The following RBFOX1 variants were observed in gnomAD, a reference collection of about 807,000 sequenced individuals.
RBFOX1 encodes the protein RNA binding protein fox-1 homolog 1.
RBFOX1 carries 8 observed loss-of-function variants against 57.7 expected under a neutral mutation model. The ratio of observed to expected loss-of-function variants is 0.14; its 90% CI spans 0.08 to 0.25. The LOEUF is 0.25. Among genes scored for constraint, RBFOX1 ranks in the 10% least tolerant of loss-of-function variants. The pLI is 1.00. For missense variants in RBFOX1, 611 were observed against 548.5 expected, an observed-to-expected ratio of 1.11 and a Z score of -1.14; for synonymous variants, 326 against 222.4, an observed-to-expected ratio of 1.47 and a Z score of -4.15.
At chr16:7,511,151 G>A (rs909392676) in intron 4 of RBFOX1, among the ~76,000 whole-genome samples, 2 of 152,172 alleles carry the variant, frequency 1.3e-5, no homozygotes, top group Non-Finnish European at 2.9e-5. Flanking sequence ...GTGAAAGTCA[G>A]GTAGTTACAT....
intron 3 of RBFOX1, among the ~76,000 whole-genome samples, chr16:6,869,699 C>G (rs970564791): frequency 5.3e-5 from 8 of 152,180 alleles, no homozygotes; most frequent in South Asian, 2.1e-4. Context: ...CACATTCATG[C>G]AGTTGGCAAA....
chr16:6,676,138 A>ATG (rs796794779), intron 3 of RBFOX1, among the ~76,000 whole-genome samples: 36 of 28,054 alleles, frequency 1.3e-3, no homozygotes, highest in Non-Finnish European at 2.0e-3. Flanking sequence ...ACACACACAC[A>ATG]CGCGCACACA....
intron 4 of RBFOX1, among the ~76,000 whole-genome samples, chr16:7,117,141 G>C (rs1230890911): frequency 6.6e-6 from 1 of 152,118 alleles, no homozygotes; most frequent in Admixed American, 6.6e-5. Context: ...AGAAAAGATA[G>C]TAAAGTGAGG....
chr16:5,756,470 C>G (rs2053401292), intron 3 of RBFOX1, among the ~76,000 whole-genome samples: 1 of 152,116 alleles, frequency 6.6e-6, no homozygotes. Context: ...TCACATCTCC[C>G]AAATGCCCAG....
chr16:7,381,126 G>T (rs866525285), intron 4 of RBFOX1, among the ~76,000 whole-genome samples: 8 of 152,176 alleles, frequency 5.3e-5, no homozygotes, highest in African/African-American at 1.9e-4. Context: ...TCACAGCAGA[G>T]TAAACAGACA....
chr16:6,627,685 A>C (rs144416105), intron 2 of RBFOX1, among the ~76,000 whole-genome samples: 1 of 152,176 alleles, frequency 6.6e-6, no homozygotes. Flanking sequence ...TGAGCAGCAC[A>C]CTGTGAAAAC....
intron 15 of RBFOX1, chr16:7,709,491 T>A: frequency 2.7e-6 from 4 of 1,477,130 alleles, no homozygotes; most frequent in Non-Finnish European, 3.6e-6. Context: ...CTCATTCACA[T>A]AGCCCCAAGG....
chr16:5,830,839 T>C (rs73516201), intron 3 of RBFOX1, among the ~76,000 whole-genome samples: 7,452 of 151,636 alleles, frequency 0.049, 405 homozygotes, highest in African/African-American at 0.13. Context: ...GTTCAGGCTG[T>C]TTCCTGGCTG....
intron 3 of RBFOX1, among the ~76,000 whole-genome samples, chr16:6,717,051 G>C (rs561818132): frequency 1.3e-5 from 2 of 152,244 alleles, no homozygotes; most frequent in South Asian, 2.1e-4. Context: ...CAGTGAGAAG[G>C]CTGCCATGTG....
chr16:5,388,816 A>G (rs970682436), intron 1 of RBFOX1, among the ~76,000 whole-genome samples: 1 of 151,788 alleles, frequency 6.6e-6, no homozygotes, highest in Non-Finnish European at 1.5e-5. Flanking sequence ...ACCTCAGATG[A>G]TCCACCCACC....
intron 4 of RBFOX1, among the ~76,000 whole-genome samples, chr16:5,902,221 A>G (rs879356727): frequency 2.6e-5 from 4 of 152,080 alleles, no homozygotes; most frequent in Non-Finnish European, 5.9e-5. Context: ...GTACGAATTA[A>G]TGTTCCCATT....
intron 3 of RBFOX1, among the ~76,000 whole-genome samples, chr16:6,821,922 A>G (rs2091375460): frequency 6.6e-6 from 1 of 152,128 alleles, no homozygotes; most frequent in African/African-American, 2.4e-5. Flanking sequence ...CCTTTGAGGA[A>G]ACTCTGTTTT....
At chr16:5,779,613 A>G (rs767921070) in intron 3 of RBFOX1, among the ~76,000 whole-genome samples, 1 of 152,168 alleles carries the variant, frequency 6.6e-6, no homozygotes, top group Non-Finnish European at 1.5e-5. Context: ...TGGTGAGCTA[A>G]GTAGCCTTCC....
chr16:6,570,990 T>A (rs1359286211), intron 2 of RBFOX1, among the ~76,000 whole-genome samples: 1 of 152,110 alleles, frequency 6.6e-6, no homozygotes, highest in Non-Finnish European at 1.5e-5. Flanking sequence ...CATTATTGTT[T>A]ACTAAATATA....
intron 4 of RBFOX1, among the ~76,000 whole-genome samples, chr16:7,274,095 A>G (rs1388969122): frequency 6.6e-6 from 1 of 152,226 alleles, no homozygotes; most frequent in Non-Finnish European, 1.5e-5. Flanking sequence ...CACTGGCTTT[A>G]TGAAATCCAG....
At chr16:5,282,092 ATGCTAT>A (rs2063286287) in intron 1 of RBFOX1, among the ~76,000 whole-genome samples, 1 of 152,182 alleles carries the variant, frequency 6.6e-6, no homozygotes, top group African/African-American at 2.4e-5. Context: ...GGTCTTTACC[ATGCTAT>A]TCTTTTGATA....
At chr16:5,372,814 C>T (rs1011738268) in intron 1 of RBFOX1, among the ~76,000 whole-genome samples, 1 of 152,198 alleles carries the variant, frequency 6.6e-6, no homozygotes, top group Non-Finnish European at 1.5e-5. Context: ...TCGCGTTGAC[C>T]CGCACAATAC....
At chr16:6,736,775 G>C (rs184030474) in intron 3 of RBFOX1, among the ~76,000 whole-genome samples, 1 of 152,192 alleles carries the variant, frequency 6.6e-6, no homozygotes, top group African/African-American at 2.4e-5. Flanking sequence ...GTGATTTGTA[G>C]CAGGTGGTGG....
chr16:7,103,376 G>A (rs993134787), intron 4 of RBFOX1, among the ~76,000 whole-genome samples: 2 of 152,086 alleles, frequency 1.3e-5, no homozygotes, highest in African/African-American at 4.8e-5. Context: ...GAATAAAATA[G>A]CAAATGAAGC....
Sources: allele counts gnomAD v4.1 joint callset (sites outside exome capture counted in the v4.1 genomes callset), GRCh38; gene constraint gnomAD v4.1.1; transcripts MANE v1.5; gene names NCBI Gene and HGNC (gene_info 2026-07-23, HGNC 2026-07-21).